TMEM39B: variants seen among roughly 807,000 people sequenced by gnomAD.
TMEM39B encodes the protein transmembrane protein 39B.
In TMEM39B, 23 loss-of-function variants were observed where a neutral mutation model predicts 52.2. That is an observed-to-expected ratio of 0.44 (90% CI 0.32 to 0.62). The LOEUF (loss-of-function observed/expected upper bound fraction) is 0.62. Among genes scored for constraint, TMEM39B ranks in the 20% least tolerant of loss-of-function variants. The pLI is 0.06. For synonymous variants in TMEM39B, 285 were observed against 264.0 expected, an observed-to-expected ratio of 1.08 and a Z score of -0.77; for missense variants, 547 against 642.0, an observed-to-expected ratio of 0.85 and a Z score of 1.60.
At chr1:32,096,379 T>G (rs1640806978) in intron 7 of TMEM39B, among the ~76,000 whole-genome samples, 1 of 151,936 alleles carries the variant, frequency 6.6e-6, no homozygotes, top group Admixed American at 6.6e-5. Context: ...GTTACCTGCC[T>G]GTCATTTCAG....
intron 6 of TMEM39B, among the ~76,000 whole-genome samples, chr1:32,092,795 G>A (rs1640659998): frequency 6.6e-6 from 1 of 152,036 alleles, no homozygotes; most frequent in Non-Finnish European, 1.5e-5. Context: ...CCCAGCCTGT[G>A]TCCATTTTAG....
chr1:32,098,120 C>T (rs1640883406), intron 7 of TMEM39B, among the ~76,000 whole-genome samples: 1 of 152,010 alleles, frequency 6.6e-6, no homozygotes, highest in South Asian at 2.1e-4. Flanking sequence ...CCTCAGCTTC[C>T]CGAGTAGCTG....
intron 5 of TMEM39B, among the ~76,000 whole-genome samples, chr1:32,085,277 T>G (rs1640292526): frequency 6.6e-6 from 1 of 151,958 alleles, no homozygotes; most frequent in African/African-American, 2.4e-5. Context: ...TCTCCTATAT[T>G]TCTCTAATAT....
intron 5 of TMEM39B, among the ~76,000 whole-genome samples, chr1:32,086,541 C>A (rs1408313550): frequency 6.6e-6 from 1 of 151,904 alleles, no homozygotes; most frequent in Non-Finnish European, 1.5e-5. Context: ...CTGAGGCAGG[C>A]GGATGGCTTG....
At chr1:32,085,291 A>G (rs1640293294) in intron 5 of TMEM39B, among the ~76,000 whole-genome samples, 1 of 149,946 alleles carries the variant, frequency 6.7e-6, no homozygotes, top group African/African-American at 2.4e-5. Context: ...CTAATATTTA[A>G]TCTCTCTCTC....
intron 7 of TMEM39B, among the ~76,000 whole-genome samples, chr1:32,096,040 T>C (rs1251331266): frequency 3.9e-5 from 6 of 152,208 alleles, no homozygotes; most frequent in Admixed American, 6.5e-5. Context: ...AGCTGGGTCC[T>C]GCCAGATGTT....
At chr1:32,083,342 C>T (rs553897991) in intron 5 of TMEM39B, among the ~76,000 whole-genome samples, 1 of 150,894 alleles carries the variant, frequency 6.6e-6, no homozygotes, top group South Asian at 2.1e-4. Flanking sequence ...CTCAGCTTCC[C>T]AAAGTGCTGG....
At chr1:32,075,569 T>A in intron 2 of TMEM39B, 34 bp from the exon 3 acceptor site, 1 of 1,533,428 alleles carries the variant, frequency 6.5e-7, no homozygotes, top group Non-Finnish European at 8.8e-7. Context: ...GATTCTCAGG[T>A]CAGCTGCTGA....
chr1:32,082,018 C>G (rs1640119348), intron 5 of TMEM39B, among the ~76,000 whole-genome samples: 1 of 152,100 alleles, frequency 6.6e-6, no homozygotes, highest in Non-Finnish European at 1.5e-5. Context: ...AGCTCACGAT[C>G]CCATCCTTAC....
intron 8 of TMEM39B, chr1:32,100,818 G>C (rs1640994435): frequency 2.3e-6 from 1 of 443,856 alleles, no homozygotes; most frequent in African/African-American, 2.0e-5. Context: ...CTGAGGTCAG[G>C]AGTTCAAGAC....
intron 6 of TMEM39B, among the ~76,000 whole-genome samples, chr1:32,092,365 C>T (rs1315234895): frequency 6.6e-6 from 1 of 152,172 alleles, no homozygotes; most frequent in Non-Finnish European, 1.5e-5. Context: ...CTATGCTGCC[C>T]AAGCTGGTCT....
intron 2 of TMEM39B, 55 bp from the exon 3 acceptor site, chr1:32,075,548 C>CT: frequency 6.6e-7 from 1 of 1,513,174 alleles, no homozygotes; most frequent in East Asian, 2.5e-5. Context: ...CTCAGAAGCC[C>CT]TTCCTGGTAG....
At chr1:32,083,545 C>T (rs890406960) in intron 5 of TMEM39B, among the ~76,000 whole-genome samples, 9 of 150,258 alleles carry the variant, frequency 6.0e-5, no homozygotes, top group Non-Finnish European at 1.0e-4. Flanking sequence ...GCCTCAGCCT[C>T]CCGAGTAGCT....
chr1:32,074,098 C>G (rs750777121), intron 1 of TMEM39B, among the ~76,000 whole-genome samples: 1 of 151,932 alleles, frequency 6.6e-6, no homozygotes, highest in Non-Finnish European at 1.5e-5. Flanking sequence ...AACTTTTGTG[C>G]GAAGTGGTGC....
chr1:32,076,749 C>G lies in TMEM39B; in HGVS notation c.352-14C>G. On this transcript the variant is annotated splice_polypyrimidine_tract_variant and intron_variant, in intron 3 of 8. Transcript: ENST00000336294. ...AGGGGCCCACATGACCCCCAGGCCT[C>G]TGCCCCCTGACAGAACTTCCATCTG... is the stretch of plus-strand genomic sequence containing the variant. 6.2e-7 allele frequency: 1 copy of G among 1,614,116 alleles called. No homozygotes were observed. Among genetic ancestry groups the G allele is most frequent in the Non-Finnish European group, 8.5e-7 (1 of 1,179,990 alleles).
At position 32,076,007 on chromosome 1, in the gene TMEM39B, T is replaced by C. The variant is rs367816065; in HGVS notation, c.351+185T>C. On this transcript the variant is annotated intron_variant, in intron 3 of 8. Transcript: ENST00000336294. ...GATGATTCACTGAATACTCCTAGTG[T>C]GTTTAGTAGCACATTGGGCACTGTA... 135 of 481,268 alleles carry C rather than the reference T, an allele frequency of 2.8e-4. No individual in the cohort carries two copies. In the East Asian group the frequency reaches 3.8e-3, roughly 14 times the overall value. The allele number at this position is 481,268 out of a possible 1,614,324, so 29.8% of individuals were successfully genotyped here.
intron 5 of TMEM39B, among the ~76,000 whole-genome samples, chr1:32,084,387 G>A (rs1461375475): frequency 6.6e-6 from 1 of 152,046 alleles, no homozygotes; most frequent in Non-Finnish European, 1.5e-5. Flanking sequence ...CTCCTGGGTT[G>A]GACCCCCTGC....
intron 5 of TMEM39B, among the ~76,000 whole-genome samples, chr1:32,081,546 A>G (rs540730193): frequency 6.6e-6 from 1 of 152,250 alleles, no homozygotes; most frequent in South Asian, 2.1e-4. Context: ...TCAGGAGTTC[A>G]AGACCAGCCT....
intron 7 of TMEM39B, among the ~76,000 whole-genome samples, chr1:32,099,975 A>C (rs781778569): frequency 6.6e-6 from 1 of 152,068 alleles, no homozygotes; most frequent in Non-Finnish European, 1.5e-5. Context: ...TGAACCTGGG[A>C]GGCGGAGGTT....
Sources: allele counts gnomAD v4.1 joint callset (sites outside exome capture counted in the v4.1 genomes callset), GRCh38; gene constraint gnomAD v4.1.1; transcripts MANE v1.5; gene names NCBI Gene and HGNC (gene_info 2026-07-23, HGNC 2026-07-21).